LEUTX: variants seen among roughly 807,000 people sequenced by gnomAD.
LEUTX encodes paired-like homeodomain transcription factor LEUTX.
A neutral mutation model predicts 4.5 loss-of-function variants in LEUTX; 5 were observed. That is an observed-to-expected ratio of 1.11 (90% confidence interval 0.58 to 2.34). The LOEUF is 2.34. Among genes scored for constraint, LEUTX ranks in the 30% most tolerant of loss-of-function variants. The pLI, the probability that LEUTX is intolerant of heterozygous loss-of-function variation, is 0.01. For synonymous variants in LEUTX, 89 were observed against 85.1 expected (o/e 1.05, Z -0.25); for missense variants, 233 against 239.4 (o/e 0.97, Z 0.18).
Position 39,784,632 on chromosome 19 carries a change from T to C in LEUTX, c.113T>C (p.Met38Thr), listed in dbSNP as rs1967937712. 1 of 1,551,600 alleles carries C rather than the reference T, an allele frequency of 6.4e-7. No individual in the cohort carries two copies. The highest frequency in any genetic ancestry group is 8.7e-7 in the Non-Finnish European group (1 of 1,146,914). The change falls in exon 2 of 3, where the codon ATG becomes ACG. Residue 38 changes from methionine (M) to threonine (T), a missense_variant. Physicochemically the swap from Met to Thr is moderately conservative, Grantham distance 81. Transcript: ENST00000638280. ...ACCATGCACCCAAGTTTGGCTACAA[T>C]GGGGAAACTGGCTTCAAAGCTACAA... ...EKTMHPSLAT[M>T]GKLASKLQLD...
Position 39,785,725 on chromosome 19 carries a change from T to A in LEUTX, c.187T>A (p.Trp63Arg), listed in dbSNP as rs745314487. Residue 63 changes from tryptophan to arginine, a missense_variant, in exon 3 of 3, where the codon TGG becomes AGG. Physicochemically the swap from Trp to Arg is moderately radical, Grantham distance 101. Coordinates refer to ENST00000638280, the MANE Select transcript of LEUTX (RefSeq NM_001382345.1). ...KIWFKNQRAKWKRQQRQQMQT... is the reference protein window; with the variant it reads ...KIWFKNQRAKRKRQQRQQMQT... ...CTGGTTCAAGAACCAGCGTGCCAAA[T>A]GGAAGAGGCAGCAGCGGCAGCAAAT... 3.9e-6 allele frequency: 6 copies of A among 1,551,734 alleles called. No individual in the cohort carries two copies. In the South Asian group the frequency reaches 5.9e-5, roughly 15 times the overall value.
At chr19:39,777,570 C>A (rs183778458), upstream of LEUTX, among the ~76,000 whole-genome samples, 1 of 152,154 alleles carries the variant, frequency 6.6e-6, no homozygotes, top group African/African-American at 2.4e-5. Context: ...AACATTTAAA[C>A]GGAAAATTTG....
intron 1 of LEUTX, among the ~76,000 whole-genome samples, chr19:39,780,965 A>C (rs73546631): frequency 0.018 from 2,685 of 151,992 alleles, 81 homozygotes; most frequent in African/African-American, 0.059. Context: ...TGGCCTCCCA[A>C]AGTGCTAGTA....
chr19:39,778,916 A>T lies in LEUTX; in HGVS notation c.-5A>T, dbSNP rs1239847800. On this transcript the variant is annotated 5_prime_UTR_variant, in exon 1 of 3. Transcript: ENST00000638280. ...GATCGAACCCACTCATTTCTAGAGG[A>T]CACCATGTTTGGTAAGTTGGGCGAA... 1 of 152,222 alleles carries T rather than the reference A, an allele frequency of 6.6e-6. No homozygotes were observed. Among genetic ancestry groups the T allele is most frequent in the African/African-American group, 2.4e-5 (1 of 41,412 alleles). The allele number at this position is 152,222 out of a possible 1,614,324, so 9.4% of individuals were successfully genotyped here.
intron 1 of LEUTX, among the ~76,000 whole-genome samples, chr19:39,782,202 C>A (rs1019651895): frequency 6.6e-6 from 1 of 152,166 alleles, no homozygotes; most frequent in Non-Finnish European, 1.5e-5. Flanking sequence ...CATCATGCCA[C>A]TATTCTATTC....
chr19:39,780,391 T>C (rs1967868119), intron 1 of LEUTX, among the ~76,000 whole-genome samples: 1 of 152,240 alleles, frequency 6.6e-6, no homozygotes. Context: ...TGGAAATTTC[T>C]ATATATTCCT....
intron 1 of LEUTX, among the ~76,000 whole-genome samples, chr19:39,782,616 A>G (rs958506702): frequency 6.6e-6 from 1 of 152,154 alleles, no homozygotes; most frequent in Non-Finnish European, 1.5e-5. Flanking sequence ...GCCCAATGTC[A>G]TGGAGAGGTT....
At chr19:39,783,047 C>A (rs188880411) in intron 1 of LEUTX, among the ~76,000 whole-genome samples, 4 of 151,586 alleles carry the variant, frequency 2.6e-5, no homozygotes, top group African/African-American at 4.9e-5. Context: ...CCCTTTCCCC[C>A]GAATCCCCAA....
chr19:39,779,509 T>C (rs186959898), intron 1 of LEUTX, among the ~76,000 whole-genome samples: 283 of 152,254 alleles, frequency 1.9e-3, no homozygotes, highest in African/African-American at 6.5e-3. Flanking sequence ...GTTTTTAGTA[T>C]GTTTTTTTTC....
At chr19:39,777,142 TC>T (rs1374545293), upstream of LEUTX, among the ~76,000 whole-genome samples, 2 of 152,158 alleles carry the variant, frequency 1.3e-5, no homozygotes, top group Non-Finnish European at 2.9e-5. Flanking sequence ...CTTAGAACAC[TC>T]TTCCCTCTCC....
chr19:39,784,723 C>T, intron 2 of LEUTX, 45 bp downstream of exon 2: 2 of 1,351,698 alleles, frequency 1.5e-6, no homozygotes, highest in Non-Finnish European at 2.1e-6. Flanking sequence ...TAACCCAGAG[C>T]TTCACACACA....
chr19:39,783,505 C>T (rs1216480108), intron 1 of LEUTX, among the ~76,000 whole-genome samples: 3 of 151,586 alleles, frequency 2.0e-5, no homozygotes, highest in Non-Finnish European at 4.4e-5. Flanking sequence ...TTATTTTCCT[C>T]TGGGTAGATA....
upstream of LEUTX, among the ~76,000 whole-genome samples, chr19:39,777,755 A>C (rs1967817004): frequency 6.6e-6 from 1 of 152,202 alleles, no homozygotes; most frequent in Non-Finnish European, 1.5e-5. Flanking sequence ...TGAAGGCTGC[A>C]GTGAGCTATG....
upstream of LEUTX, chr19:39,776,603 G>A (rs1432529726): frequency 8.8e-6 from 4 of 456,100 alleles, no homozygotes; most frequent in Non-Finnish European, 1.8e-5. Context: ...AACTGCACAC[G>A]GTTTTCAGCC....
At chr19:39,778,465 C>A (rs1967832245), upstream of LEUTX, among the ~76,000 whole-genome samples, 1 of 152,142 alleles carries the variant, frequency 6.6e-6, no homozygotes, top group African/African-American at 2.4e-5. Flanking sequence ...CTGCTGCACT[C>A]CGGGTCTCAC....
upstream of LEUTX, among the ~76,000 whole-genome samples, chr19:39,777,868 G>T (rs1405801500): frequency 5.3e-5 from 8 of 152,182 alleles, no homozygotes; most frequent in Admixed American, 5.2e-4. Context: ...CAGGCTACCT[G>T]CAATGTTCCC....
chr19:39,781,153 T>G (rs926896351), intron 1 of LEUTX, among the ~76,000 whole-genome samples: 1 of 152,166 alleles, frequency 6.6e-6, no homozygotes, highest in Non-Finnish European at 1.5e-5. Flanking sequence ...TTGAGAATTT[T>G]TCTTCAATGT....
chr19:39,783,364 TACACACACACACAC>T (rs141643356), intron 1 of LEUTX, among the ~76,000 whole-genome samples: 1 of 134,432 alleles, frequency 7.4e-6, no homozygotes, highest in Non-Finnish European at 1.6e-5. Context: ...TATATATATA[TACACACACACACAC>T]ACACACCACA....
chr19:39,776,991 C>A (rs764198105), upstream of LEUTX, among the ~76,000 whole-genome samples: 6 of 152,162 alleles, frequency 3.9e-5, no homozygotes, highest in African/African-American at 1.4e-4. Context: ...CTTGCCCCGA[C>A]CTTGGTTGGC....
Sources: allele counts gnomAD v4.1 joint callset (sites outside exome capture counted in the v4.1 genomes callset), GRCh38; gene constraint gnomAD v4.1.1; transcripts MANE v1.5; gene names NCBI Gene and HGNC (gene_info 2026-07-23, HGNC 2026-07-21).